KCNMA1: variants seen among roughly 807,000 people sequenced by gnomAD.
The protein encoded by KCNMA1 is potassium calcium-activated channel subfamily M alpha 1.
Under a neutral mutation model 140.0 loss-of-function variants are expected in KCNMA1, and 29 were observed. That is an observed-to-expected ratio of 0.21 (90% CI 0.15 to 0.28). The LOEUF (loss-of-function observed/expected upper bound fraction) is 0.28. Ranked by LOEUF, KCNMA1 falls within the 10% of genes least tolerant of loss-of-function variation. The pLI is 1.00. For missense variants in KCNMA1, 880 were observed against 1,602.2 expected (o/e 0.55, Z 7.70); for synonymous variants, 612 against 611.9 (o/e 1.00, Z 0.00).
intron 1 of KCNMA1, among the ~76,000 whole-genome samples, chr10:77,614,315 G>A (rs1249165140): frequency 6.6e-6 from 1 of 152,072 alleles, no homozygotes; most frequent in Non-Finnish European, 1.5e-5. Context: ...GTTTGGTGCT[G>A]GGAATACAGA....
chr10:77,612,740 G>A (rs77516564), intron 1 of KCNMA1, among the ~76,000 whole-genome samples: 5,691 of 152,176 alleles, frequency 0.037, 200 homozygotes, highest in Non-Finnish European at 0.058. Context: ...TTTCCAATGT[G>A]GGGGTACCTT....
chr10:77,011,252 A>T (rs1353768549), intron 18 of KCNMA1, among the ~76,000 whole-genome samples: 2 of 152,182 alleles, frequency 1.3e-5, no homozygotes, highest in African/African-American at 4.8e-5. Context: ...ATGGTATCTC[A>T]GGAGCTCACA....
At chr10:77,361,401 C>G (rs1057481539) in intron 2 of KCNMA1, among the ~76,000 whole-genome samples, 1 of 152,158 alleles carries the variant, frequency 6.6e-6, no homozygotes, top group South Asian at 2.1e-4. Flanking sequence ...CAGTGCTGGG[C>G]GCCCAAACAG....
At chr10:77,481,257 G>T (rs559501622) in intron 1 of KCNMA1, among the ~76,000 whole-genome samples, 2 of 152,186 alleles carry the variant, frequency 1.3e-5, no homozygotes, top group East Asian at 3.9e-4. Flanking sequence ...TCTTTCCAGA[G>T]TCTAACTGAA....
intron 1 of KCNMA1, among the ~76,000 whole-genome samples, chr10:77,431,564 C>T (rs1457588968): frequency 1.3e-5 from 2 of 152,040 alleles, no homozygotes; most frequent in Admixed American, 1.3e-4. Context: ...AAAGAATACA[C>T]AGGCAGCTTG....
chr10:77,004,931 T>C (rs1203853238), intron 18 of KCNMA1, among the ~76,000 whole-genome samples: 1 of 152,206 alleles, frequency 6.6e-6, no homozygotes, highest in African/African-American at 2.4e-5. Flanking sequence ...AGTGCAACTT[T>C]GAAAATTTCA....
intron 2 of KCNMA1, among the ~76,000 whole-genome samples, chr10:77,331,944 C>CT (rs2086598184): frequency 6.6e-6 from 1 of 152,056 alleles, no homozygotes; most frequent in Non-Finnish European, 1.5e-5. Flanking sequence ...CTGCTACTTC[C>CT]TTTTTGTCTA....
At chr10:77,484,241 G>T (rs1016266265) in intron 1 of KCNMA1, among the ~76,000 whole-genome samples, 1 of 152,210 alleles carries the variant, frequency 6.6e-6, no homozygotes, top group Non-Finnish European at 1.5e-5. Context: ...AGCACTGCAG[G>T]CACCTCCATT....
intron 19 of KCNMA1, chr10:76,973,231 G>A (rs1261339830): frequency 6.6e-6 from 1 of 152,180 alleles, no homozygotes; most frequent in Non-Finnish European, 1.5e-5. Flanking sequence ...GACTTCTTTA[G>A]AACACAAACA....
intron 1 of KCNMA1, among the ~76,000 whole-genome samples, chr10:77,446,777 C>T (rs1458875319): frequency 1.3e-5 from 2 of 152,216 alleles, no homozygotes; most frequent in Non-Finnish European, 2.9e-5. Context: ...AGAGGTGGCC[C>T]CTGGCCATTT....
intron 1 of KCNMA1, among the ~76,000 whole-genome samples, chr10:77,516,069 T>C (rs947619158): frequency 2.6e-5 from 4 of 152,186 alleles, no homozygotes; most frequent in Non-Finnish European, 4.4e-5. Context: ...ACCAGGTGCA[T>C]GCGAAGGGTG....
At chr10:76,882,790 C>T (rs2035198848), downstream of KCNMA1, among the ~76,000 whole-genome samples, 1 of 152,194 alleles carries the variant, frequency 6.6e-6, no homozygotes, top group Admixed American at 6.5e-5. Flanking sequence ...TTGCAATGGG[C>T]ATGCAATCTT....
At chr10:77,439,057 C>T (rs553530699) in intron 1 of KCNMA1, among the ~76,000 whole-genome samples, 8 of 142,100 alleles carry the variant, frequency 5.6e-5, no homozygotes, top group East Asian at 2.1e-4. Context: ...GGCGACAGAG[C>T]GAGACTCTCT....
chr10:77,217,383 T>G (rs1293299725), intron 3 of KCNMA1: 1 of 368,154 alleles, frequency 2.7e-6, no homozygotes, highest in Non-Finnish European at 5.7e-6. Flanking sequence ...TTTAGAGATG[T>G]AGATGCCCAT....
chr10:77,323,387 T>A (rs937292086), intron 2 of KCNMA1, among the ~76,000 whole-genome samples: 7 of 151,844 alleles, frequency 4.6e-5, no homozygotes, highest in African/African-American at 1.7e-4. Flanking sequence ...CATGGAAGAG[T>A]GAGTTTGAAG....
intron 1 of KCNMA1, among the ~76,000 whole-genome samples, chr10:77,536,407 T>C (rs1478301910): frequency 6.6e-6 from 1 of 152,176 alleles, no homozygotes; most frequent in Non-Finnish European, 1.5e-5. Context: ...TTCTTCCCAG[T>C]GTTGGGAGAA....
rs74691887 is a variant in KCNMA1 at position 77,634,202 on chromosome 10, C to T, written c.378+3063G>A. ...CAGGATTGAACTTCACAACGTCACA[C>T]CCAAGTGAATAGAGAGCTCTGATGA... On this transcript the variant is annotated intron_variant, in intron 1 of 27. Coordinates refer to ENST00000286628, the MANE Select transcript of KCNMA1 (RefSeq NM_001161352.2). 8.8e-5 allele frequency: 87 copies of T among 985,340 alleles called. No individual in the cohort carries two copies. In the East Asian group the frequency reaches 7.6e-3, roughly 86 times the overall value. The allele number at this position is 985,340 out of a possible 1,614,324, so 61.0% of individuals were successfully genotyped here.
rs191328947 is a variant in KCNMA1 at position 77,201,806 on chromosome 10, T to C, written c.603-16890A>G. ...TAAAACAAATTTATGTGGGATAAAATGTCTTGGATCTACACAGCAAAAAAA... is the reference window on the plus strand; with the variant it reads ...TAAAACAAATTTATGTGGGATAAAACGTCTTGGATCTACACAGCAAAAAAA... On this transcript the variant is annotated intron_variant, in intron 3 of 27. Coordinates refer to ENST00000286628, the MANE Select transcript of KCNMA1 (RefSeq NM_001161352.2). Among the ~76,000 whole-genome samples, 20 of 126,620 alleles carry C rather than the reference T, an allele frequency of 1.6e-4. No homozygotes were observed. In the East Asian group the frequency reaches 4.4e-3, roughly 28 times the overall value. The allele number at this position is 126,620 out of a possible 152,430, so 83.1% of individuals were successfully genotyped here.
rs981556228 is a variant in KCNMA1 at position 77,264,574 on chromosome 10, C to G, written c.541-13318G>C. On this transcript the variant is annotated intron_variant, in intron 2 of 27. Coordinates refer to ENST00000286628, the MANE Select transcript of KCNMA1 (RefSeq NM_001161352.2). ...GTGAAAGAATTGGCAAGACAAGGGCCAGAAAATGCGTGGAGATCTTTCATT... is the reference window on the plus strand; with the variant it reads ...GTGAAAGAATTGGCAAGACAAGGGCGAGAAAATGCGTGGAGATCTTTCATT... Among the ~76,000 whole-genome samples the G allele has an allele frequency of 2.6e-5, 4 of 152,162 alleles. No homozygotes were observed. The East Asian group carries it at 7.7e-4, about 29-fold the overall frequency.
Sources: allele counts gnomAD v4.1 joint callset (sites outside exome capture counted in the v4.1 genomes callset), GRCh38; gene constraint gnomAD v4.1.1; transcripts MANE v1.5; gene names NCBI Gene and HGNC (gene_info 2026-07-23, HGNC 2026-07-21).